COL1A1: variants seen among roughly 807,000 people sequenced by gnomAD.
The protein encoded by COL1A1 is collagen alpha-1(I) chain.
A neutral mutation model predicts 195.7 loss-of-function variants in COL1A1; 21 were observed. That is an observed-to-expected ratio of 0.11 (90% CI 0.08 to 0.15). COL1A1 has a LOEUF of 0.15. Among genes scored for constraint, COL1A1 ranks in the 10% least tolerant of loss-of-function variants. The pLI, the probability that COL1A1 is intolerant of heterozygous loss-of-function variation, is 1.00. For missense variants in COL1A1, 1,365 were observed against 2,051.0 expected, an observed-to-expected ratio of 0.67 and a Z score of 6.46; for synonymous variants, 749 against 747.3, an observed-to-expected ratio of 1.00 and a Z score of -0.04.
Position 50,186,940 on chromosome 17 carries a change from A to G in COL1A1, c.3532-18T>C, listed in dbSNP as rs1906596208. The stretch of plus-strand genomic sequence containing the variant: ...GGGGGACCCTGCACAGAGAGGGAAG[A>G]GAGTGGGGATTACCGGCATCCAAGT... On this transcript the variant is annotated intron_variant, in intron 47 of 50. Coordinates refer to ENST00000225964, the MANE Select transcript of COL1A1 (RefSeq NM_000088.4). The surrounding 1 kb of genome is among the most constrained non-coding windows in gnomAD (Gnocchi z 5.3). The G allele has an allele frequency of 1.2e-6, 2 of 1,613,142 alleles. No individual in the cohort carries two copies. The highest frequency in any genetic ancestry group is 1.7e-6 in the Non-Finnish European group (2 of 1,179,624).
At chr17:50,198,120 C>G in intron 7 of COL1A1, 41 bp downstream of exon 7, 1 of 1,613,328 alleles carries the variant, frequency 6.2e-7, no homozygotes, top group Non-Finnish European at 8.5e-7. Flanking sequence ...TCCAAAAGAC[C>G]AAAGCCCAAG....
Position 50,191,498 on chromosome 17 carries a change from A to G in COL1A1, c.2128-8T>C. On this transcript the variant is annotated splice_polypyrimidine_tract_variant and splice_region_variant and intron_variant, in intron 31 of 50. Transcript: ENST00000225964. ...AGGGGCACCAGCATCACCCTATGTGACAACCAAGAAGACTGGAGTGAGGCC... is the reference window on the plus strand; with the variant it reads ...AGGGGCACCAGCATCACCCTATGTGGCAACCAAGAAGACTGGAGTGAGGCC... The G allele has an allele frequency of 1.2e-6, 2 of 1,613,532 alleles. No individual in the cohort carries two copies. Among genetic ancestry groups the G allele is most frequent in the Non-Finnish European group, 1.7e-6 (2 of 1,179,618 alleles).
At position 50,196,175 on chromosome 17, in the gene COL1A1, T is replaced by C; in HGVS notation, c.982A>G (p.Thr328Ala). Residue 328 changes from threonine (T) to alanine (A), a missense_variant, in exon 15 of 51, where the codon ACT becomes GCT. By Grantham distance (58) the Thr-to-Ala change is moderately conservative. Coordinates refer to ENST00000225964, the MANE Select transcript of COL1A1 (RefSeq NM_000088.4). ...CTCACAGGGGGCCCGGCAGCACCAG[T>C]AGCACCATCATTTCCACGAGCACCC... is the stretch of plus-strand genomic sequence containing the variant. ...PAGARGNDGA[T>A]GAAGPPGPTG... 5 of 1,613,990 alleles carry C rather than the reference T, an allele frequency of 3.1e-6. No homozygotes were observed. The highest frequency in any genetic ancestry group is 4.2e-6 in the Non-Finnish European group (5 of 1,179,956).
chr17:50,186,343 C>T lies in COL1A1; in HGVS notation c.3979G>A (p.Gly1327Ser), dbSNP rs147104425. The change falls in exon 49 of 51, where the codon GGC (glycine) becomes AGC (serine). Residue 1327 changes from glycine to serine, a missense_variant. This residue lies in a region of COL1A1 where 273 missense variants were observed against 338.6 expected (regional missense o/e 0.81). Coordinates refer to ENST00000225964, the MANE Select transcript of COL1A1 (RefSeq NM_000088.4). This position sits in a 1 kb window ranked among gnomAD's most constrained non-coding sequence, Gnocchi z 5.3. ...TGGAATCCATCGGTCATGCTCTCGC[C>T]GAACCAGACATGCCTCTTGTCCTTG... The part of the protein sequence containing the change: ...NPKDKRHVWF[G>S]ESMTDGFQFE... 5.0e-5 allele frequency: 80 copies of T among 1,614,200 alleles called. No homozygotes were observed. In the Middle Eastern group the frequency reaches 6.6e-4, roughly 13 times the overall value.
intron 25 of COL1A1, 95 bp from the exon 26 acceptor site, chr17:50,193,142 A>G: frequency 7.8e-7 from 1 of 1,290,160 alleles, no homozygotes; most frequent in East Asian, 2.4e-5. Context: ...TTTTTAAGGG[A>G]CTTTCTTTTC....
rs41316669 is a variant in COL1A1 at position 50,192,907 on chromosome 17, C to T, written c.1822-57G>A. On this transcript the variant is annotated intron_variant, in intron 26 of 50. Transcript: ENST00000225964. ...TTAGGAGGCCCCGAGCAGCTGAGGA[C>T]CGTGGCCTCTAGCACCCCTCCTGCA... 16,397 of 1,612,942 alleles carry T rather than the reference C, an allele frequency of 0.01. 100 individuals are homozygous for T. Among genetic ancestry groups the T allele is most frequent in the Middle Eastern group, 0.016 (98 of 6,056 alleles).
Position 50,188,132 on chromosome 17 carries a change from G to T in COL1A1, c.3225C>A (p.Ala1075=). ...GGGCGCCAACAGGGCCGACAGGACC[G>T]GCGGGACCAGCAGGACCCTGGGGAG... ...DRGETGPAGP[A]GPVGPVGARG... The change falls in exon 44 of 51, where the codon GCC becomes GCA. Residue 1075 remains alanine (A), a synonymous_variant. Transcript: ENST00000225964. The surrounding 1 kb of genome is among the most constrained non-coding windows in gnomAD (Gnocchi z 5.6). 7 of 1,567,654 alleles carry T rather than the reference G, an allele frequency of 4.5e-6. No individual in the cohort carries two copies. Among genetic ancestry groups the T allele is most frequent in the Non-Finnish European group, 6.1e-6 (7 of 1,154,954 alleles).
intron 1 of COL1A1, among the ~76,000 whole-genome samples, chr17:50,200,598 C>G (rs1194377614): frequency 2.6e-5 from 4 of 152,228 alleles, no homozygotes; most frequent in African/African-American, 9.6e-5. Context: ...AGCCAAAGAA[C>G]CAAAAAGTCC....
intron 29 of COL1A1, 34 bp from the exon 30 acceptor site, chr17:50,192,058 C>A: frequency 6.2e-7 from 1 of 1,606,712 alleles, no homozygotes. Context: ...AGACAGTGAG[C>A]AAAACCCACC....
Position 50,184,702 on chromosome 17 carries a change from A to G in COL1A1, c.*800T>C, listed in dbSNP as rs1445417012. ...GTTGCCCCGGTGACACATCAAGACA[A>G]GAACGAGGTAGTCTTTCAGCAACAC... On this transcript the variant is annotated 3_prime_UTR_variant, in exon 51 of 51. Transcript: ENST00000225964. 8.6e-6 allele frequency: 2 copies of G among 231,822 alleles called. No individual in the cohort carries two copies. Among genetic ancestry groups the G allele is most frequent in the Non-Finnish European group, 1.7e-5 (2 of 117,124 alleles). The allele number at this position is 231,822 out of a possible 1,614,324, so 14.4% of individuals were successfully genotyped here.
In COL1A1 at chr17:50,195,325, A is replaced by C. The variant is rs141411256; in HGVS notation, c.1206T>G (p.Ala402=). The change falls in exon 19 of 51, where the codon GCT becomes GCG. Residue 402 remains alanine, a synonymous_variant. Transcript: ENST00000225964. The surrounding 1 kb of genome is among the most constrained non-coding windows in gnomAD (Gnocchi z 4.3). Reference sequence around the variant, plus strand: ...AGCCAGGAGCACCAGCAATACCAGGAGCACCCTGTGGGAGGCAGACAGCCA... The same window carrying C: ...AGCCAGGAGCACCAGCAATACCAGGCGCACCCTGTGGGAGGCAGACAGCCA... ...GQPGAKGANG[A]PGIAGAPGFP... 1.9e-5 allele frequency: 31 copies of C among 1,613,640 alleles called. No homozygotes were observed. The African/African-American group carries it at 4.1e-4, about 22-fold the overall frequency.
At chr17:50,200,209 A>C (rs1239563810) in intron 1 of COL1A1, 121 of 459,048 alleles carry the variant, frequency 2.6e-4, no homozygotes, top group Middle Eastern at 6.6e-4. Context: ...TCCAACTCCA[A>C]CCTCAGCCCA....
chr17:50,199,622 A>G (rs1907895338), intron 2 of COL1A1, 32 bp from the exon 3 acceptor site: 1 of 1,613,912 alleles, frequency 6.2e-7, no homozygotes, highest in Non-Finnish European at 8.5e-7. Flanking sequence ...GTTAGAGCCA[A>G]GGTTTGCTAA....
At chr17:50,187,154 G>A in intron 46 of COL1A1, 32 bp from the exon 47 acceptor site, 1 of 1,538,842 alleles carries the variant, frequency 6.5e-7, no homozygotes, top group East Asian at 2.3e-5. Flanking sequence ...GAGAAAGGCT[G>A]CCAGAAGCCC....
intron 5 of COL1A1, among the ~76,000 whole-genome samples, chr17:50,198,878 C>T (rs1907821794): frequency 6.6e-6 from 1 of 152,112 alleles, no homozygotes; most frequent in South Asian, 2.1e-4. Flanking sequence ...ATCGGGACAT[C>T]GGTGAACTTT....
In COL1A1 at chr17:50,186,258, C is replaced by T; in HGVS notation, c.4005+59G>A. On this transcript the variant is annotated intron_variant, in intron 49 of 50. Transcript: ENST00000225964. This position sits in a 1 kb window ranked among gnomAD's most constrained non-coding sequence, Gnocchi z 5.3. ...AGACCTACTCCAGGACTTCATGTCC[C>T]TTCTGAGCACTGGGCTAGCCCATCT... 1.2e-6 allele frequency: 2 copies of T among 1,605,984 alleles called. No individual in the cohort carries two copies. Among genetic ancestry groups the T allele is most frequent in the Non-Finnish European group, 1.7e-6 (2 of 1,175,550 alleles).
At chr17:50,198,531 G>A in intron 5 of COL1A1, 27 bp from the exon 6 acceptor site, 1 of 1,588,628 alleles carries the variant, frequency 6.3e-7, no homozygotes, top group Non-Finnish European at 8.6e-7. Flanking sequence ...AAGTCAGAGT[G>A]AGGACAGTGA....
intron 5 of COL1A1, among the ~76,000 whole-genome samples, chr17:50,198,897 A>G (rs1158040211): frequency 1.3e-5 from 2 of 152,192 alleles, no homozygotes; most frequent in Non-Finnish European, 2.9e-5. Context: ...TTGAATACGG[A>G]CTGCACATTA....
At position 50,184,257 on chromosome 17, in the gene COL1A1, G is replaced by A. The variant is rs145188105; in HGVS notation, c.*1245C>T. 24 of 230,034 alleles carry A rather than the reference G, an allele frequency of 1.0e-4. No individual in the cohort carries two copies. The highest frequency in any genetic ancestry group is 2.0e-4 in the Non-Finnish European group (23 of 115,720). The allele number at this position is 230,034 out of a possible 1,614,324, so 14.2% of individuals were successfully genotyped here. On this transcript the variant is annotated 3_prime_UTR_variant, in exon 51 of 51. Coordinates refer to ENST00000225964, the MANE Select transcript of COL1A1 (RefSeq NM_000088.4). ...CTTTGGGAAGTTGTCTCTGAAACCC[G>A]GGGACAGAGGACGCAGGACAGACTA...
Sources: gnomAD v4.1 joint callset for allele counts (sites outside exome capture counted in the v4.1 genomes callset) on GRCh38, gnomAD v4.1.1 for gene constraint, gnomAD v4.1.1 regional missense constraint, Gnocchi (gnomAD v3.1) non-coding constraint, MANE v1.5 for transcripts, NCBI Gene and HGNC (gene_info 2026-07-23, HGNC 2026-07-21) for gene names.